The following STXBP4 variants were observed in gnomAD, a reference collection of about 807,000 sequenced individuals.
STXBP4 encodes syntaxin-binding protein 4.
In STXBP4, 55 loss-of-function variants were observed where a neutral mutation model predicts 76.1. That is an observed-to-expected ratio of 0.72 (90% CI 0.58 to 0.91). The LOEUF is 0.91. STXBP4 is among the 40% of genes least tolerant of loss of function. The pLI, the probability that STXBP4 is intolerant of heterozygous loss-of-function variation, is 0.00. For synonymous variants in STXBP4, 201 were observed against 220.2 expected (o/e 0.91, Z 0.77); for missense variants, 618 against 636.9 (o/e 0.97, Z 0.32).
At chr17:55,129,481 A>G (rs142532126) in intron 16 of STXBP4, among the ~76,000 whole-genome samples, 1 of 152,248 alleles carries the variant, frequency 6.6e-6, no homozygotes, top group African/African-American at 2.4e-5. Context: ...TGTCCCAGCT[A>G]TTCATGAGGC....
chr17:55,014,378 A>G (rs561090917), intron 8 of STXBP4, among the ~76,000 whole-genome samples: 16 of 151,990 alleles, frequency 1.1e-4, no homozygotes, highest in African/African-American at 3.9e-4. Flanking sequence ...CTAACAAGGG[A>G]GTGGGGCTTT....
At chr17:55,048,358 A>G (rs546039097) in intron 12 of STXBP4, among the ~76,000 whole-genome samples, 4 of 151,956 alleles carry the variant, frequency 2.6e-5, no homozygotes, top group Non-Finnish European at 5.9e-5. Context: ...GTGCTCTTGA[A>G]CTAAGAACTT....
At chr17:55,136,533 CT>C (rs1454583802) in intron 16 of STXBP4, among the ~76,000 whole-genome samples, 1 of 152,098 alleles carries the variant, frequency 6.6e-6, no homozygotes, top group African/African-American at 2.4e-5. Flanking sequence ...TTATTTACAT[CT>C]GTTGTATCTA....
intron 16 of STXBP4, among the ~76,000 whole-genome samples, chr17:55,123,189 A>G (rs139264455): frequency 4.6e-4 from 70 of 152,316 alleles, no homozygotes; most frequent in Middle Eastern, 3.4e-3. Context: ...AGTACTTTTC[A>G]TATCAGGATC....
At chr17:55,040,233 A>G (rs2078675105) in intron 10 of STXBP4, among the ~76,000 whole-genome samples, 1 of 152,184 alleles carries the variant, frequency 6.6e-6, no homozygotes, top group Non-Finnish European at 1.5e-5. Context: ...TTCTTTGTCA[A>G]GTAGCAGTTT....
At chr17:55,129,350 G>A (rs2079949487) in intron 16 of STXBP4, among the ~76,000 whole-genome samples, 1 of 151,766 alleles carries the variant, frequency 6.6e-6, no homozygotes, top group Non-Finnish European at 1.5e-5. Flanking sequence ...CTGACCACAA[G>A]ATGAAATAGA....
At chr17:55,032,854 G>C (rs2078533403) in intron 9 of STXBP4, among the ~76,000 whole-genome samples, 1 of 152,090 alleles carries the variant, frequency 6.6e-6, no homozygotes, top group African/African-American at 2.4e-5. Context: ...AATGTCAGCT[G>C]GCCACCAGAT....
chr17:55,017,789 C>G (rs1420106459), intron 8 of STXBP4, among the ~76,000 whole-genome samples: 1 of 152,130 alleles, frequency 6.6e-6, no homozygotes, highest in African/African-American at 2.4e-5. Flanking sequence ...ATGCTCCCAA[C>G]CCAGAAGGGT....
chr17:55,053,643 C>T (rs2078889133), intron 12 of STXBP4, among the ~76,000 whole-genome samples: 1 of 151,894 alleles, frequency 6.6e-6, no homozygotes, highest in Admixed American at 6.6e-5. Context: ...TTTTTAAAGT[C>T]CTCTATTTTC....
intron 8 of STXBP4, among the ~76,000 whole-genome samples, chr17:55,012,396 G>T (rs1345054494): frequency 6.6e-6 from 1 of 152,066 alleles, no homozygotes; most frequent in East Asian, 1.9e-4. Flanking sequence ...GTCCTGCCTT[G>T]CAGCTCTTTT....
At chr17:55,036,830 A>G (rs146890833) in intron 10 of STXBP4, among the ~76,000 whole-genome samples, 141 of 152,224 alleles carry the variant, frequency 9.3e-4, no homozygotes, top group Middle Eastern at 3.4e-3. Flanking sequence ...TTTTCAAGTG[A>G]TATGCTTTAC....
intron 17 of STXBP4, among the ~76,000 whole-genome samples, chr17:55,154,432 T>C (rs1178286807): frequency 1.3e-5 from 2 of 152,198 alleles, no homozygotes; most frequent in African/African-American, 2.4e-5. Context: ...TATGAAAAAG[T>C]ACAAATATAC....
At chr17:55,010,930 T>C (rs1450978474) in intron 8 of STXBP4, among the ~76,000 whole-genome samples, 2 of 152,220 alleles carry the variant, frequency 1.3e-5, no homozygotes, top group African/African-American at 4.8e-5. Context: ...ATGACCTTAG[T>C]CATTTAATAA....
At position 55,011,203 on chromosome 17, in the gene STXBP4, C is replaced by T. The variant is rs572285913; in HGVS notation, c.666+3606C>T. Reference sequence around the variant, plus strand: ...TGTAAGAATTACCATATATTGAGCACCTTCTGTGATAGACACTTTATTTGC... The same window carrying T: ...TGTAAGAATTACCATATATTGAGCATCTTCTGTGATAGACACTTTATTTGC... On this transcript the variant is annotated intron_variant, in intron 8 of 17. Transcript: ENST00000376352. 1.3e-4 allele frequency among the ~76,000 whole-genome samples: 20 copies of T among 151,406 alleles called. No homozygotes were observed. In the South Asian group the frequency reaches 4.2e-3, roughly 32 times the overall value.
intron 12 of STXBP4, among the ~76,000 whole-genome samples, chr17:55,064,774 G>A (rs114444425): frequency 2.6e-5 from 4 of 152,196 alleles, no homozygotes; most frequent in African/African-American, 9.6e-5. Flanking sequence ...AAAGTGCCGG[G>A]ATTACAGTCT....
chr17:55,210,966 C>T, the STXBP4 span, among the ~76,000 whole-genome samples: 76,860 of 152,026 alleles, frequency 0.51, 20,522 homozygotes, highest in Non-Finnish European at 0.59. Context: ...ATTTTAAGTA[C>T]GTCTGAGAAG....
At chr17:54,993,778 A>C (rs1338282561) in intron 4 of STXBP4, among the ~76,000 whole-genome samples, 1 of 152,224 alleles carries the variant, frequency 6.6e-6, no homozygotes, top group Non-Finnish European at 1.5e-5. Flanking sequence ...AATGCATATG[A>C]ATGCTTTAAC....
intron 12 of STXBP4, among the ~76,000 whole-genome samples, chr17:55,053,050 A>G (rs896189905): frequency 8.6e-5 from 13 of 151,858 alleles, no homozygotes; most frequent in Admixed American, 5.9e-4. Flanking sequence ...TGAAAACTAA[A>G]TACAGCATCT....
At chr17:55,200,213 T>A in the STXBP4 span, among the ~76,000 whole-genome samples, 1 of 152,236 alleles carries the variant, frequency 6.6e-6, no homozygotes, top group South Asian at 2.1e-4. Flanking sequence ...GCACAGTGCT[T>A]TTTACTTAAT....
Sources: gnomAD v4.1 joint callset for allele counts (sites outside exome capture counted in the v4.1 genomes callset) on GRCh38, gnomAD v4.1.1 for gene constraint, MANE v1.5 for transcripts, NCBI Gene and HGNC (gene_info 2026-07-23, HGNC 2026-07-21) for gene names.